Variants in ASAH2 observed in about 807,000 individuals in gnomAD.
ASAH2 encodes the protein neutral ceramidase.
Under a neutral mutation model 82.9 loss-of-function variants are expected in ASAH2, and 58 were observed. The ratio of observed to expected loss-of-function variants is 0.70; its 90% CI spans 0.57 to 0.87. ASAH2 has a LOEUF of 0.87. ASAH2 is among the 40% of genes least tolerant of loss of function. The pLI, the probability that ASAH2 is intolerant of heterozygous loss-of-function variation, is 0.00. For synonymous variants in ASAH2, 276 were observed against 289.7 expected, an observed-to-expected ratio of 0.95 and a Z score of 0.48; for missense variants, 779 against 834.0, an observed-to-expected ratio of 0.93 and a Z score of 0.81.
chr10:50,214,292 A>G (rs1029371899), intron 9 of ASAH2, among the ~76,000 whole-genome samples: 3 of 152,184 alleles, frequency 2.0e-5, no homozygotes, highest in Non-Finnish European at 4.4e-5. Context: ...CTGTACTTCC[A>G]CATTATTTGA....
At chr10:50,222,424 G>T (rs1198140853) in intron 7 of ASAH2, among the ~76,000 whole-genome samples, 1 of 151,946 alleles carries the variant, frequency 6.6e-6, no homozygotes, top group African/African-American at 2.4e-5. Flanking sequence ...CACTACAGAT[G>T]TGCACCACCA....
At chr10:50,235,085 G>A (rs575278345) in intron 5 of ASAH2, among the ~76,000 whole-genome samples, 4 of 152,206 alleles carry the variant, frequency 2.6e-5, no homozygotes, top group African/African-American at 7.2e-5. Context: ...TACCCTGACT[G>A]TGTGTCATAC....
At position 50,214,723 on chromosome 10, in the gene ASAH2, C is replaced by T. The variant is rs1845549828; in HGVS notation, c.1140+20G>A. 3 of 1,613,150 alleles carry T rather than the reference C, an allele frequency of 1.9e-6. No individual in the cohort carries two copies. In the South Asian group the frequency reaches 3.3e-5, roughly 18 times the overall value. On this transcript the variant is annotated intron_variant, in intron 9 of 20. Transcript: ENST00000682911. ...ATTTGAGATGCAAAAACAAAGATTT[C>T]ATGTGTCATAATTACCTACCCCACC...
At chr10:50,238,909 G>A (rs1362822388) in intron 4 of ASAH2, among the ~76,000 whole-genome samples, 1 of 152,098 alleles carries the variant, frequency 6.6e-6, no homozygotes, top group African/African-American at 2.4e-5. Context: ...GGGACTTCTA[G>A]CGGGGAGAAA....
intron 12 of ASAH2, among the ~76,000 whole-genome samples, chr10:50,206,492 T>C (rs946878629): frequency 2.7e-5 from 4 of 150,682 alleles, no homozygotes; most frequent in African/African-American, 4.9e-5. Flanking sequence ...ATACCAGTTG[T>C]CTGACTTATG....
At chr10:50,240,588 C>A in intron 4 of ASAH2, 1 of 702,214 alleles carries the variant, frequency 1.4e-6, no homozygotes, top group Non-Finnish European at 2.6e-6. Context: ...TCTCAAGGCC[C>A]TCTGCAATTA....
chr10:50,202,746 A>G (rs1163797517), intron 16 of ASAH2, 83 bp downstream of exon 16: 1 of 969,292 alleles, frequency 1.0e-6, no homozygotes, highest in African/African-American at 1.6e-5. Flanking sequence ...TGACTGGGAA[A>G]GTTTACAAAG....
chr10:50,203,642 C>T lies in ASAH2; in HGVS notation c.1663G>A (p.Ala555Thr), dbSNP rs1454940157. Residue 555 changes from alanine to threonine, a missense_variant and splice_region_variant, in exon 15 of 21, where the codon GCA becomes ACA. By Grantham distance (58) the Ala-to-Thr change is moderately conservative. This residue lies in a region of ASAH2 where 759 missense variants were observed against 755.2 expected (regional missense o/e 1.00). Coordinates refer to ENST00000682911, the MANE Select transcript of ASAH2 (RefSeq NM_019893.4). ...SGRRLREAVQ[A>T]EFASHGMQNM... is the part of the protein sequence containing the mutation. ...ATGTTATTTTATTTTTAACTTACTG[C>T]TTGAACTGCCTCTCGAAGTCTTCGT... 5 of 1,612,058 alleles carry T rather than the reference C, an allele frequency of 3.1e-6. No individual in the cohort carries two copies. The African/African-American group carries it at 6.7e-5, about 22-fold the overall frequency.
At chr10:50,250,216 A>G (rs1399177509) in intron 1 of ASAH2, among the ~76,000 whole-genome samples, 1 of 152,098 alleles carries the variant, frequency 6.6e-6, no homozygotes, top group African/African-American at 2.4e-5. Flanking sequence ...AGCAGGCCTT[A>G]TTTATCTAAG....
At chr10:50,209,842 C>T (rs2813325) in intron 12 of ASAH2, among the ~76,000 whole-genome samples, 111,090 of 151,938 alleles carry the variant, frequency 0.73, 43,281 homozygotes, top group Non-Finnish European at 0.88. Context: ...ATGAGATATC[C>T]CTCCACACCC....
At position 50,245,444 on chromosome 10, in the gene ASAH2, G is replaced by A; in HGVS notation, c.138C>T (p.Gly46=). 6.2e-7 allele frequency: 1 copy of A among 1,612,794 alleles called. No individual in the cohort carries two copies. The highest frequency in any genetic ancestry group is 2.2e-5 in the East Asian group (1 of 44,848). The change falls in exon 3 of 21, where the codon GGC becomes GGT. Residue 46 remains glycine, a synonymous_variant. Coordinates refer to ENST00000682911, the MANE Select transcript of ASAH2 (RefSeq NM_019893.4). ...GGCTTTGGGTGGTTGAAAAAAAATG[G>A]CCTCCTAAATCTAAAACAGAATAAG... ...GTIENHKDLG[G]HFFSTTQSPP...
chr10:50,245,886 A>G (rs1171350766), intron 2 of ASAH2, among the ~76,000 whole-genome samples: 1 of 152,006 alleles, frequency 6.6e-6, no homozygotes, highest in African/African-American at 2.4e-5. Flanking sequence ...GAGTTAGTCC[A>G]TTTCCATCAC....
At position 50,202,898 on chromosome 10, in the gene ASAH2, G is replaced by C; in HGVS notation, c.1692C>G (p.Asn564Lys). ...ATAGACCTGAAATAACAACAGTCATGTTCTGCATCCCATGAGATGCAAATT... is the reference window on the plus strand; with the variant it reads ...ATAGACCTGAAATAACAACAGTCATCTTCTGCATCCCATGAGATGCAAATT... ...QAEFASHGMQ[N>K]MTVVISGLCN... The change falls in exon 16 of 21, where the codon AAC becomes AAG. Residue 564 changes from asparagine (N) to lysine (K), a missense_variant. Asn to Lys is a moderately conservative substitution (Grantham distance 94, BLOSUM62 0). This residue lies in a region of ASAH2 where 759 missense variants were observed against 755.2 expected (regional missense o/e 1.00). Coordinates refer to ENST00000682911, the MANE Select transcript of ASAH2 (RefSeq NM_019893.4). The C allele has an allele frequency of 6.2e-7, 1 of 1,611,518 alleles. No homozygotes were observed. The highest frequency in any genetic ancestry group is 8.5e-7 in the Non-Finnish European group (1 of 1,178,034).
intron 8 of ASAH2, among the ~76,000 whole-genome samples, chr10:50,215,706 T>C (rs1845575129): frequency 6.6e-6 from 1 of 152,118 alleles, no homozygotes; most frequent in South Asian, 2.1e-4. Context: ...ACTGTACCCT[T>C]GTAGTATAGT....
chr10:50,211,258 C>A, intron 10 of ASAH2, 124 bp from the exon 11 acceptor site: 1 of 791,338 alleles, frequency 1.3e-6, no homozygotes, highest in Non-Finnish European at 2.1e-6. Context: ...TTTTGTTTTG[C>A]TGGTTGCTTA....
chr10:50,220,409 T>C (rs1845709532), intron 7 of ASAH2, among the ~76,000 whole-genome samples: 1 of 152,142 alleles, frequency 6.6e-6, no homozygotes, highest in Non-Finnish European at 1.5e-5. Flanking sequence ...ATAAAGGAAA[T>C]GTGGTACATA....
chr10:50,213,714 G>T (rs1208761375), intron 9 of ASAH2, among the ~76,000 whole-genome samples: 1 of 152,032 alleles, frequency 6.6e-6, no homozygotes, highest in Non-Finnish European at 1.5e-5. Flanking sequence ...GGGGGCAAAA[G>T]ACATAAATAA....
chr10:50,241,208 A>G lies in ASAH2; in HGVS notation c.510+1994T>C, dbSNP rs150912922. On this transcript the variant is annotated intron_variant, in intron 4 of 20. Coordinates refer to ENST00000682911, the MANE Select transcript of ASAH2 (RefSeq NM_019893.4). ...TCACCTTGATTGCCATAGAACCTAA[A>G]CCAGAGCCACCTAACCAAGACAGAA... 3.1e-3 allele frequency among the ~76,000 whole-genome samples: 468 copies of G among 152,266 alleles called. 3 individuals are homozygous for G. Among genetic ancestry groups the G allele is most frequent in the African/African-American group, 0.011 (454 of 41,562 alleles).
At chr10:50,231,144 T>C (rs1323575007) in intron 7 of ASAH2, among the ~76,000 whole-genome samples, 7 of 151,960 alleles carry the variant, frequency 4.6e-5, no homozygotes, top group Non-Finnish European at 8.8e-5. Context: ...GGCGACTCTA[T>C]CTCCTTGTCC....
Sources: gnomAD v4.1 joint callset for allele counts (sites outside exome capture counted in the v4.1 genomes callset) on GRCh38, gnomAD v4.1.1 for gene constraint, gnomAD v4.1.1 regional missense constraint, MANE v1.5 for transcripts, NCBI Gene and HGNC (gene_info 2026-07-23, HGNC 2026-07-21) for gene names.